Variants in NCAM1 observed in about 807,000 individuals in gnomAD.
NCAM1 encodes neural cell adhesion molecule 1, also known as antigen recognized by monoclonal antibody 5.1H11.
A neutral mutation model predicts 109.8 loss-of-function variants in NCAM1; 14 were observed. The ratio of observed to expected loss-of-function variants is 0.13; its 90% CI spans 0.08 to 0.20. NCAM1 has a LOEUF of 0.20. NCAM1 is among the 10% of genes least tolerant of loss of function. The pLI, the probability that NCAM1 is intolerant of heterozygous loss-of-function variation, is 1.00. For missense variants in NCAM1, 774 were observed against 1,109.9 expected (o/e 0.70, Z 4.30); for synonymous variants, 418 against 442.9 (o/e 0.94, Z 0.70).
intron 1 of NCAM1, among the ~76,000 whole-genome samples, chr11:113,114,792 G>T (rs1399132962): frequency 2.0e-5 from 3 of 152,202 alleles, no homozygotes; most frequent in Admixed American, 6.5e-5. Context: ...TTCTGTGACT[G>T]CCCAAGGCTG....
Position 113,127,976 on chromosome 11 carries a change from G to A in NCAM1, c.53-74403G>A, listed in dbSNP as rs12288257. On this transcript the variant is annotated intron_variant, in intron 1 of 19. Transcript: ENST00000316851. ...TGCTTATCACATGGGGCGTGGCTGA[G>A]TAATCATTTTGACCAAATACTCCCT... is the stretch of plus-strand genomic sequence containing the variant. 9.5e-3 allele frequency among the ~76,000 whole-genome samples: 1,445 copies of A among 152,286 alleles called. 21 individuals carry two copies. The highest frequency in any genetic ancestry group is 0.033 in the African/African-American group (1,357 of 41,536).
chr11:113,081,685 C>A (rs1555087222), intron 1 of NCAM1, among the ~76,000 whole-genome samples: 1 of 152,116 alleles, frequency 6.6e-6, no homozygotes, highest in East Asian at 1.9e-4. Flanking sequence ...AGGTGTCCAC[C>A]ACCACACCCA....
chr11:113,043,190 T>C (rs942221175), intron 1 of NCAM1, among the ~76,000 whole-genome samples: 1 of 151,938 alleles, frequency 6.6e-6, no homozygotes, highest in Admixed American at 6.6e-5. Flanking sequence ...TGTATCAGGT[T>C]TTAGAACTTC....
At chr11:113,054,860 T>C (rs1953634108) in intron 1 of NCAM1, among the ~76,000 whole-genome samples, 1 of 152,182 alleles carries the variant, frequency 6.6e-6, no homozygotes. Context: ...AGGGGAAGCA[T>C]AGCATTTATA....
intron 1 of NCAM1, among the ~76,000 whole-genome samples, chr11:113,062,050 A>G: frequency 6.6e-6 from 1 of 152,218 alleles, no homozygotes; most frequent in East Asian, 1.9e-4. Flanking sequence ...TCTGCCTGGA[A>G]GGTGGGGGAC....
chr11:113,222,849 G>C (rs575577991), intron 9 of NCAM1, among the ~76,000 whole-genome samples: 4 of 152,280 alleles, frequency 2.6e-5, no homozygotes, highest in East Asian at 1.9e-4. Context: ...TATCATGAGT[G>C]TCTTACTTTG....
chr11:113,066,512 T>C (rs1413587008), intron 1 of NCAM1, among the ~76,000 whole-genome samples: 4 of 152,164 alleles, frequency 2.6e-5, no homozygotes, highest in Non-Finnish European at 4.4e-5. Flanking sequence ...GCTTCAGGCC[T>C]CTCAATTCCT....
intron 1 of NCAM1, among the ~76,000 whole-genome samples, chr11:113,149,800 A>G (rs146532194): frequency 6.6e-6 from 1 of 152,360 alleles, no homozygotes; most frequent in African/African-American, 2.4e-5. Context: ...TTTATAATGC[A>G]GTTTCTATGG....
chr11:113,271,943 C>A lies in NCAM1; in HGVS notation c.2456+67C>A. 6 of 1,246,328 alleles carry A rather than the reference C, an allele frequency of 4.8e-6. No individual in the cohort carries two copies. The African/African-American group carries it at 6.0e-5, about 12-fold the overall frequency. The allele number at this position is 1,246,328 out of a possible 1,614,324, so 77.2% of individuals were successfully genotyped here. A position where few individuals can be genotyped will look rare whatever the true frequency, so the allele number is the denominator to read the frequency against. On this transcript the variant is annotated intron_variant, in intron 19 of 19. Transcript: ENST00000316851. ...CCCCACACCCACCTCCCCACCCTAC[C>A]CCCACCTCCCGTGCCCCTACCCACA...
In NCAM1 at chr11:113,206,099, G is replaced by T; in HGVS notation, c.547G>T (p.Asp183Tyr). The T allele has an allele frequency of 6.2e-7, 1 of 1,613,964 alleles. No homozygotes were observed. Among genetic ancestry groups the T allele is most frequent in the Non-Finnish European group, 8.5e-7 (1 of 1,179,878 alleles). Residue 183 changes from aspartate to tyrosine, a missense_variant, in exon 5 of 20, where the codon GAT (aspartate) becomes TAT (tyrosine). Physicochemically the swap from Asp to Tyr is radical, Grantham distance 160 (BLOSUM62 -3). This residue lies in a region of NCAM1 where 523 missense variants were observed against 784.2 expected (regional missense o/e 0.67). Transcript: ENST00000316851. ...GCAGATCCGGGGCATCAAGAAAACA[G>T]ATGAGGGCACTTATCGCTGTGAGGG... ...YLQIRGIKKT[D>Y]EGTYRCEGRI...
intron 1 of NCAM1, among the ~76,000 whole-genome samples, chr11:113,175,141 G>A (rs1555106818): frequency 1.3e-5 from 2 of 152,186 alleles, no homozygotes; most frequent in African/African-American, 4.8e-5. Context: ...GATGTGTTAT[G>A]TTAACCATCT....
At chr11:113,170,862 C>T (rs1942966477) in intron 1 of NCAM1, among the ~76,000 whole-genome samples, 1 of 152,140 alleles carries the variant, frequency 6.6e-6, no homozygotes, top group African/African-American at 2.4e-5. Flanking sequence ...AAGCTAATTG[C>T]ATTAAAATAA....
At chr11:113,140,432 T>C (rs2136193208) in intron 1 of NCAM1, among the ~76,000 whole-genome samples, 1 of 152,236 alleles carries the variant, frequency 6.6e-6, no homozygotes, top group Middle Eastern at 3.4e-3. Flanking sequence ...CCATTTCCTC[T>C]CTAGTTTTAG....
At chr11:113,185,079 T>TATATATATATATATATATATAGAGAG in intron 1 of NCAM1, among the ~76,000 whole-genome samples, 68 of 125,690 alleles carry the variant, frequency 5.4e-4, no homozygotes, top group East Asian at 8.6e-4. Context: ...TATATATATA[T>TATATATATATATATATATATAGAGAG]AGAGAGAGAG....
intron 9 of NCAM1, among the ~76,000 whole-genome samples, chr11:113,226,137 C>A (rs542508911): frequency 2.0e-5 from 3 of 152,310 alleles, no homozygotes; most frequent in South Asian, 2.1e-4. Flanking sequence ...CACAGACTGG[C>A]AAGTTGGATA....
chr11:113,175,086 G>A (rs1254882758), intron 1 of NCAM1, among the ~76,000 whole-genome samples: 4 of 152,230 alleles, frequency 2.6e-5, no homozygotes, highest in African/African-American at 9.6e-5. Flanking sequence ...CCTTGTGGGA[G>A]ATCTGTATTT....
chr11:113,250,697 C>G (rs1945650870), intron 15 of NCAM1, among the ~76,000 whole-genome samples: 1 of 152,254 alleles, frequency 6.6e-6, no homozygotes, highest in Admixed American at 6.5e-5. Flanking sequence ...GCAAGCCCCA[C>G]ATTTATCACA....
chr11:112,964,860 AGG>A (rs1244876488), intron 1 of NCAM1, among the ~76,000 whole-genome samples: 1 of 152,214 alleles, frequency 6.6e-6, no homozygotes, highest in Non-Finnish European at 1.5e-5. Flanking sequence ...TATTAAAAAC[AGG>A]GAATATAATC....
intron 7 of NCAM1, among the ~76,000 whole-genome samples, chr11:113,210,658 G>A (rs570438723): frequency 2.0e-5 from 3 of 152,108 alleles, no homozygotes; most frequent in African/African-American, 4.8e-5. Context: ...ATGTGGGACC[G>A]TGGTAGAGGG....
Sources: gnomAD v4.1 joint callset for allele counts (sites outside exome capture counted in the v4.1 genomes callset) on GRCh38, gnomAD v4.1.1 for gene constraint, gnomAD v4.1.1 regional missense constraint, MANE v1.5 for transcripts, NCBI Gene and HGNC (gene_info 2026-07-23, HGNC 2026-07-21) for gene names.